THSD4: variants seen among roughly 807,000 people sequenced by gnomAD.
THSD4 encodes the protein thrombospondin type-1 domain-containing protein 4.
A neutral mutation model predicts 119.0 loss-of-function variants in THSD4; 69 were observed. The ratio of observed to expected loss-of-function variants is 0.58; its 90% CI spans 0.48 to 0.71. The LOEUF (loss-of-function observed/expected upper bound fraction) is 0.71, where lower values mean the gene tolerates loss of function less well. Among genes scored for constraint, THSD4 ranks in the 30% least tolerant of loss-of-function variants. The pLI is 0.00. For missense variants in THSD4, 1,393 were observed against 1,391.1 expected (o/e 1.00, Z -0.02); for synonymous variants, 524 against 540.4 (o/e 0.97, Z 0.42).
At chr15:71,747,345 A>C (rs767031711) in intron 13 of THSD4, among the ~76,000 whole-genome samples, 13 of 152,040 alleles carry the variant, frequency 8.6e-5, no homozygotes, top group Admixed American at 2.6e-4. Context: ...GGTAGAGCCA[A>C]CTCCTTCCAA....
At chr15:71,466,618 C>T (rs1016520111) in intron 7 of THSD4, among the ~76,000 whole-genome samples, 3 of 152,198 alleles carry the variant, frequency 2.0e-5, no homozygotes, top group Non-Finnish European at 4.4e-5. Flanking sequence ...TTCTTTCCAT[C>T]CCTTGGTAGA....
intron 3 of THSD4, among the ~76,000 whole-genome samples, chr15:71,173,083 C>CT (rs1319045422): frequency 2.0e-5 from 3 of 152,050 alleles, no homozygotes; most frequent in African/African-American, 4.8e-5. Context: ...AGAAGGAATA[C>CT]TTTTTCTCTT....
rs183811973 is a variant in THSD4, at chr15:71,188,144, A to C, written c.100-26891A>C. On this transcript the variant is annotated intron_variant, in intron 3 of 17. Coordinates refer to ENST00000261862, the MANE Select transcript of THSD4 (RefSeq NM_024817.3). ...GGATGAAGGTAAATACGGTAATTTC[A>C]AAACAAGGTAGAGATTGGAGGTAGA... Among the ~76,000 whole-genome samples the C allele has an allele frequency of 1.1e-4, 16 of 152,324 alleles. 1 individual carries two copies. The highest frequency in any genetic ancestry group is 3.4e-4 in the African/African-American group (14 of 41,580).
chr15:71,539,573 C>T (rs1453908394), intron 7 of THSD4, among the ~76,000 whole-genome samples: 1 of 152,106 alleles, frequency 6.6e-6, no homozygotes, highest in African/African-American at 2.4e-5. Context: ...ATCATATGTT[C>T]ATTTTCCGTA....
chr15:71,216,649 G>A (rs905438036), intron 4 of THSD4, among the ~76,000 whole-genome samples: 6 of 152,238 alleles, frequency 3.9e-5, no homozygotes, highest in Non-Finnish European at 8.8e-5. Context: ...GGGGGAAGGA[G>A]AGAGGCAGCC....
chr15:71,141,624 C>A, intron 2 of THSD4, 68 bp downstream of exon 2: 1 of 1,499,472 alleles, frequency 6.7e-7, no homozygotes, highest in South Asian at 1.2e-5. Flanking sequence ...TTTACTCTGT[C>A]ATTTCTTAAA....
intron 8 of THSD4, among the ~76,000 whole-genome samples, chr15:71,667,967 C>T (rs1249238221): frequency 6.6e-6 from 1 of 152,000 alleles, no homozygotes; most frequent in Non-Finnish European, 1.5e-5. Flanking sequence ...ATACTTTTTG[C>T]AATTTGTGTC....
chr15:71,387,440 C>T (rs1375879799), intron 6 of THSD4, among the ~76,000 whole-genome samples: 1 of 152,078 alleles, frequency 6.6e-6, no homozygotes, highest in East Asian at 1.9e-4. Flanking sequence ...ATTTGTTTTC[C>T]TTCCCTAGAG....
chr15:71,721,283 C>A (rs745571462), intron 8 of THSD4, among the ~76,000 whole-genome samples: 2 of 151,956 alleles, frequency 1.3e-5, no homozygotes, highest in Non-Finnish European at 2.9e-5. Context: ...CCGAGGCAGG[C>A]AGATCACAAG....
At chr15:71,529,034 G>T (rs891002683) in intron 7 of THSD4, among the ~76,000 whole-genome samples, 1 of 152,204 alleles carries the variant, frequency 6.6e-6, no homozygotes, top group Non-Finnish European at 1.5e-5. Flanking sequence ...CCTTCTTGAA[G>T]TTGGATGTAG....
At chr15:71,240,873 A>T (rs146201881) in intron 4 of THSD4, among the ~76,000 whole-genome samples, 3 of 151,830 alleles carry the variant, frequency 2.0e-5, no homozygotes, top group Admixed American at 2.0e-4. Flanking sequence ...TCTTAATTGC[A>T]TCTCTTAAAA....
intron 7 of THSD4, among the ~76,000 whole-genome samples, chr15:71,586,226 G>A (rs373044808): frequency 9.2e-5 from 14 of 152,130 alleles, no homozygotes; most frequent in African/African-American, 3.4e-4. Context: ...ACTTTCTCTT[G>A]GCTGATGGGA....
At position 71,736,743 on chromosome 15, in the gene THSD4, T is replaced by G. The variant is rs1005605776; in HGVS notation, c.1631-989T>G. Among the ~76,000 whole-genome samples the G allele has an allele frequency of 1.8e-4, 28 of 152,326 alleles. 1 individual carries two copies. Among genetic ancestry groups the G allele is most frequent in the South Asian group, 1.5e-3 (7 of 4,824 alleles). ...TCTCTGGGCTGGCCCCTCAGGGACATCCACTTTACCCTTAATGAAAGCCTA... is the reference window on the plus strand; with the variant it reads ...TCTCTGGGCTGGCCCCTCAGGGACAGCCACTTTACCCTTAATGAAAGCCTA... On this transcript the variant is annotated intron_variant, in intron 10 of 17. Coordinates refer to ENST00000261862, the MANE Select transcript of THSD4 (RefSeq NM_024817.3).
intron 14 of THSD4, 138 bp from the exon 15 acceptor site, chr15:71,757,764 C>A: frequency 9.4e-7 from 1 of 1,064,298 alleles, no homozygotes; most frequent in Non-Finnish European, 1.4e-6. Flanking sequence ...GTAGGCTATG[C>A]ACGAGAAGCT....
intron 7 of THSD4, among the ~76,000 whole-genome samples, chr15:71,485,130 A>G (rs2047795986): frequency 6.6e-6 from 1 of 151,672 alleles, no homozygotes. Context: ...CACTACCGCC[A>G]CTCCTGCTAT....
At chr15:71,289,196 C>T (rs2044758939) in intron 6 of THSD4, among the ~76,000 whole-genome samples, 1 of 152,104 alleles carries the variant, frequency 6.6e-6, no homozygotes, top group African/African-American at 2.4e-5. Context: ...CCCTGGGGCT[C>T]CCTGTTGACT....
At chr15:71,267,181 A>C (rs2044474338) in intron 6 of THSD4, among the ~76,000 whole-genome samples, 1 of 152,234 alleles carries the variant, frequency 6.6e-6, no homozygotes, top group Admixed American at 6.5e-5. Flanking sequence ...CAACGTTGAA[A>C]TGAAGGAAAA....
intron 6 of THSD4, among the ~76,000 whole-genome samples, chr15:71,363,826 T>C (rs1015864154): frequency 6.6e-6 from 1 of 152,272 alleles, no homozygotes; most frequent in African/African-American, 2.4e-5. Flanking sequence ...TTTTCTACAG[T>C]TTATAGAGTT....
In THSD4 at chr15:71,611,432, G is replaced by A. The variant is rs577651921; in HGVS notation, c.1153-49098G>A. Among the ~76,000 whole-genome samples, 11 of 152,178 alleles carry A rather than the reference G, an allele frequency of 7.2e-5. No individual in the cohort carries two copies. In the South Asian group the frequency reaches 2.3e-3, roughly 32 times the overall value. On this transcript the variant is annotated intron_variant, in intron 7 of 17. Transcript: ENST00000261862. ...ACTTCCTGCTGCCAGCCCCTACCCC[G>A]GCAAAAACCCCTATGCTAATTCTCA... is the stretch of plus-strand genomic sequence containing the variant.
Sources: gnomAD v4.1 joint callset for allele counts (sites outside exome capture counted in the v4.1 genomes callset) on GRCh38, gnomAD v4.1.1 for gene constraint, MANE v1.5 for transcripts, NCBI Gene and HGNC (gene_info 2026-07-23, HGNC 2026-07-21) for gene names.